ELMOD2: variants seen among roughly 807,000 people sequenced by gnomAD.
ELMOD2 encodes ELMO domain-containing protein 2.
In ELMOD2, 28 loss-of-function variants were observed where a neutral mutation model predicts 41.0. The ratio of observed to expected loss-of-function variants is 0.68; its 90% CI spans 0.51 to 0.94. ELMOD2 has a LOEUF of 0.94. ELMOD2 is among the 40% of genes least tolerant of loss of function. The pLI is 0.00. For missense variants in ELMOD2, 333 were observed against 343.1 expected (o/e 0.97, Z 0.23); for synonymous variants, 106 against 107.2 (o/e 0.99, Z 0.07).
At chr4:140,526,972 C>A (rs751814186) in intron 2 of ELMOD2, among the ~76,000 whole-genome samples, 13 of 152,034 alleles carry the variant, frequency 8.6e-5, no homozygotes, top group African/African-American at 1.2e-4. Context: ...ATATAGAAAC[C>A]AGGAATGGAG....
At chr4:140,541,254 T>G (rs1735096885) in intron 6 of ELMOD2, among the ~76,000 whole-genome samples, 1 of 152,174 alleles carries the variant, frequency 6.6e-6, no homozygotes, top group South Asian at 2.1e-4. Flanking sequence ...ATGGGAAGGC[T>G]AGACTATTAA....
At position 140,551,379 on chromosome 4, in the gene ELMOD2, G is replaced by A. The variant is rs930524856; in HGVS notation, c.*1004G>A. 2 of 152,120 alleles carry A rather than the reference G, an allele frequency of 1.3e-5. No homozygotes were observed. Among genetic ancestry groups the A allele is most frequent in the Admixed American group, 1.3e-4 (2 of 15,264 alleles). 9.4% of individuals were successfully genotyped at this position (152,120 alleles called of 1,614,324 possible). On this transcript the variant is annotated 3_prime_UTR_variant, in exon 9 of 9. Coordinates refer to ENST00000323570, the MANE Select transcript of ELMOD2 (RefSeq NM_153702.4). Reference sequence around the variant, plus strand: ...TCTTGCTTCTCTTTGACTCCATGGTGTTTTTAGATAACCATGTATGAACTT... The same window carrying A: ...TCTTGCTTCTCTTTGACTCCATGGTATTTTTAGATAACCATGTATGAACTT...
intron 3 of ELMOD2, 167 bp from the exon 4 acceptor site, chr4:140,535,566 A>G (rs1173417567): frequency 5.1e-6 from 3 of 590,740 alleles, no homozygotes; most frequent in Non-Finnish European, 6.0e-6. Context: ...CTATATATAT[A>G]TATGTGAATT....
At position 140,553,647 on chromosome 4, in the gene ELMOD2, T is replaced by G. The variant is rs1388122393; in HGVS notation, c.*3272T>G. ...GGGGAAAAAGTACCACTTGGACACT[T>G]AAAGGAATTGGGATTTTTGTCTACT... On this transcript the variant is annotated 3_prime_UTR_variant, in exon 9 of 9. Coordinates refer to ENST00000323570, the MANE Select transcript of ELMOD2 (RefSeq NM_153702.4). 6.6e-6 allele frequency: 1 copy of G among 152,142 alleles called. No individual in the cohort carries two copies. The allele number at this position is 152,142 out of a possible 1,614,324, so 9.4% of individuals were successfully genotyped here.
chr4:140,541,534 G>A (rs184544520), intron 6 of ELMOD2, among the ~76,000 whole-genome samples: 10 of 152,162 alleles, frequency 6.6e-5, no homozygotes, highest in African/African-American at 2.4e-4. Flanking sequence ...TCAATCTAGG[G>A]ATAAAGTAGA....
intron 2 of ELMOD2, 135 bp downstream of exon 2, chr4:140,525,705 G>T (rs1291203100): frequency 1.2e-5 from 11 of 883,524 alleles, no homozygotes; most frequent in African/African-American, 1.8e-5. Context: ...CTGAAGTCCC[G>T]CTTTGACTCC....
chr4:140,550,146 T>A (rs1053868404), intron 8 of ELMOD2, 84 bp from the exon 9 acceptor site: 3 of 1,149,426 alleles, frequency 2.6e-6, no homozygotes, highest in Non-Finnish European at 3.7e-6. Context: ...ATTTAAAGGA[T>A]GGTTATATAC....
intron 6 of ELMOD2, among the ~76,000 whole-genome samples, chr4:140,541,274 A>G (rs1292192789): frequency 6.6e-6 from 1 of 152,184 alleles, no homozygotes; most frequent in Non-Finnish European, 1.5e-5. Context: ...AAGTTTGGAT[A>G]ATTCTTACTG....
chr4:140,540,449 G>A, intron 6 of ELMOD2, 148 bp downstream of exon 6: 1 of 1,120,764 alleles, frequency 8.9e-7, no homozygotes, highest in African/African-American at 1.6e-5. Flanking sequence ...CTAATGTGTT[G>A]GCAACAATAT....
intron 5 of ELMOD2, among the ~76,000 whole-genome samples, chr4:140,538,490 A>C (rs1735000402): frequency 6.6e-6 from 1 of 152,168 alleles, no homozygotes; most frequent in Non-Finnish European, 1.5e-5. Context: ...TGTATCTCAA[A>C]GGGTTATTGT....
intron 8 of ELMOD2, among the ~76,000 whole-genome samples, chr4:140,548,890 ATAT>A (rs1319931837): frequency 2.0e-5 from 3 of 152,122 alleles, no homozygotes; most frequent in Admixed American, 6.6e-5. Flanking sequence ...TAAACTGCAC[ATAT>A]TATATGACAT....
At chr4:140,542,677 T>A in intron 7 of ELMOD2, 35 bp downstream of exon 7, 1 of 1,450,832 alleles carries the variant, frequency 6.9e-7, no homozygotes, top group Non-Finnish European at 9.5e-7. Context: ...CGTAATCTCT[T>A]GCATTTATAA....
In ELMOD2 at chr4:140,536,979, A is replaced by AT. The variant is rs558008593; in HGVS notation, c.270-431dup. 9.8e-5 allele frequency among the ~76,000 whole-genome samples: 15 copies of AT among 152,290 alleles called. No individual in the cohort carries two copies. In the East Asian group the frequency reaches 2.7e-3, roughly 27 times the overall value. ...TGGGGAACTAATGGGTAGCGATGTC[A>AT]TTAATAGATCTAGACACTAAAGAAA... On this transcript the variant is annotated intron_variant, in intron 4 of 8. Coordinates refer to ENST00000323570, the MANE Select transcript of ELMOD2 (RefSeq NM_153702.4).
At position 140,548,232 on chromosome 4, in the gene ELMOD2, CT is replaced by C. The variant is rs1208364777; in HGVS notation, c.737-1997del. ...ATCTAAAACATAATAACCAGATATA[CT>C]GAAACAAATGGTATGGCCATAAAAT... On this transcript the variant is annotated intron_variant, in intron 8 of 8. Transcript: ENST00000323570. Among the ~76,000 whole-genome samples the C allele has an allele frequency of 1.2e-3, 185 of 152,220 alleles. 4 individuals carry two copies. Among genetic ancestry groups the C allele is most frequent in the Non-Finnish European group, 1.6e-4 (11 of 68,000 alleles).
chr4:140,528,876 A>T (rs1035731745), intron 3 of ELMOD2, among the ~76,000 whole-genome samples: 7 of 152,204 alleles, frequency 4.6e-5, no homozygotes, highest in Non-Finnish European at 7.4e-5. Flanking sequence ...TAAAATGAGG[A>T]TGTGGAGGTC....
intron 4 of ELMOD2, among the ~76,000 whole-genome samples, chr4:140,537,099 T>C (rs569034368): frequency 6.6e-6 from 1 of 152,252 alleles, no homozygotes; most frequent in South Asian, 2.1e-4. Context: ...GAAAATTAAG[T>C]CTACTGGTGA....
At chr4:140,546,460 A>T (rs939794836) in intron 8 of ELMOD2, among the ~76,000 whole-genome samples, 22 of 152,204 alleles carry the variant, frequency 1.4e-4, no homozygotes, top group African/African-American at 5.3e-4. Flanking sequence ...CGTTGTGCAC[A>T]TGTACCCTAG....
At chr4:140,535,677 A>AT in intron 3 of ELMOD2, 56 bp from the exon 4 acceptor site, 1 of 1,467,238 alleles carries the variant, frequency 6.8e-7, no homozygotes, top group Non-Finnish European at 9.4e-7. Context: ...TCTCACAACT[A>AT]TGTCTTTTTC....
chr4:140,525,001 A>T (rs1236876674), intron 1 of ELMOD2: 1 of 161,456 alleles, frequency 6.2e-6, no homozygotes, highest in Non-Finnish European at 1.3e-5. Context: ...AGTGTATTCT[A>T]TAAAAACAAC....
Sources: allele counts gnomAD v4.1 joint callset (sites outside exome capture counted in the v4.1 genomes callset), GRCh38; gene constraint gnomAD v4.1.1; transcripts MANE v1.5; gene names NCBI Gene and HGNC (gene_info 2026-07-23, HGNC 2026-07-21).